The following GRIA4 variants were observed in gnomAD, a reference collection of about 807,000 sequenced individuals.
GRIA4 encodes glutamate ionotropic receptor AMPA type subunit 4.
GRIA4 carries 34 observed loss-of-function variants against 104.0 expected under a neutral mutation model. That is an observed-to-expected ratio of 0.33 (90% CI 0.25 to 0.44). The LOEUF (loss-of-function observed/expected upper bound fraction) is 0.44. Ranked by LOEUF, GRIA4 falls within the 20% of genes least tolerant of loss-of-function variation. The pLI, the probability that GRIA4 is intolerant of heterozygous loss-of-function variation, is 1.00. For missense variants in GRIA4, 750 were observed against 1,096.5 expected (o/e 0.68, Z 4.46); for synonymous variants, 386 against 381.9 (o/e 1.01, Z -0.13).
At chr11:105,870,349 A>G (rs1945567406) in intron 5 of GRIA4, among the ~76,000 whole-genome samples, 1 of 151,846 alleles carries the variant, frequency 6.6e-6, no homozygotes, top group African/African-American at 2.4e-5. Flanking sequence ...ACCACATTCT[A>G]TTATTTTCCT....
At chr11:105,649,210 C>A (rs1951618345) in intron 3 of GRIA4, among the ~76,000 whole-genome samples, 1 of 151,854 alleles carries the variant, frequency 6.6e-6, no homozygotes, top group Non-Finnish European at 1.5e-5. Context: ...AATAGAAATG[C>A]ATTAGTAGTA....
At chr11:105,767,235 T>G (rs981328160) in intron 4 of GRIA4, among the ~76,000 whole-genome samples, 1 of 152,088 alleles carries the variant, frequency 6.6e-6, no homozygotes, top group African/African-American at 2.4e-5. Flanking sequence ...CAGGAGCTTC[T>G]GAGGCCCGCT....
chr11:105,931,620 G>A (rs1489995303), intron 13 of GRIA4, among the ~76,000 whole-genome samples: 1 of 151,986 alleles, frequency 6.6e-6, no homozygotes, highest in East Asian at 1.9e-4. Context: ...CAGGAGAATT[G>A]CTTGAACCTG....
rs538876785 is a variant in GRIA4, at chr11:105,859,647, G to A, written c.488-2377G>A. 6.6e-5 allele frequency among the ~76,000 whole-genome samples: 10 copies of A among 152,134 alleles called. No homozygotes were observed. In the East Asian group the frequency reaches 9.7e-4, roughly 15 times the overall value. On this transcript the variant is annotated intron_variant, in intron 4 of 16. Transcript: ENST00000282499. ...GAAATGCAGCAATATTTAGAGTATC[G>A]TGCCAAGCTGTGAATTAAGCCCAGG... is the stretch of plus-strand genomic sequence containing the variant.
intron 6 of GRIA4, among the ~76,000 whole-genome samples, chr11:105,896,129 G>A (rs1946642190): frequency 6.6e-6 from 1 of 152,072 alleles, no homozygotes; most frequent in Non-Finnish European, 1.5e-5. Context: ...CATTCTGACT[G>A]GTGTGAGATG....
chr11:105,958,269 A>G (rs1948641985), intron 14 of GRIA4, among the ~76,000 whole-genome samples: 1 of 152,138 alleles, frequency 6.6e-6, no homozygotes, highest in African/African-American at 2.4e-5. Flanking sequence ...AGCTCTTATT[A>G]TTTTGAGATA....
chr11:105,632,960 G>A (rs1951075923), intron 3 of GRIA4, among the ~76,000 whole-genome samples: 1 of 152,124 alleles, frequency 6.6e-6, no homozygotes, highest in South Asian at 2.1e-4. Context: ...TGAGAGAAAA[G>A]GGGTCTTGAG....
At chr11:105,622,856 A>C (rs141513074) in intron 3 of GRIA4, among the ~76,000 whole-genome samples, 3 of 151,714 alleles carry the variant, frequency 2.0e-5, no homozygotes, top group African/African-American at 7.2e-5. Flanking sequence ...CATTATTCAG[A>C]GTCTACAATG....
intron 4 of GRIA4, among the ~76,000 whole-genome samples, chr11:105,839,784 T>TA (rs1944328062): frequency 6.6e-6 from 1 of 152,112 alleles, no homozygotes; most frequent in African/African-American, 2.4e-5. Context: ...TAGTGGCTGA[T>TA]ACTTAATTCT....
chr11:105,626,582 A>G (rs1198594235), intron 3 of GRIA4, among the ~76,000 whole-genome samples: 1 of 152,164 alleles, frequency 6.6e-6, no homozygotes, highest in Non-Finnish European at 1.5e-5. Flanking sequence ...ATTTGACCCC[A>G]TGAATGTAGG....
chr11:105,933,457 G>A (rs550129847), intron 13 of GRIA4, among the ~76,000 whole-genome samples: 2 of 152,136 alleles, frequency 1.3e-5, no homozygotes, highest in East Asian at 1.9e-4. Context: ...AAGCAGGTGA[G>A]TGTGGTAACT....
chr11:105,775,968 C>T (rs1208929083), intron 4 of GRIA4, among the ~76,000 whole-genome samples: 4 of 151,670 alleles, frequency 2.6e-5, no homozygotes, highest in African/African-American at 4.8e-5. Flanking sequence ...TGCATAAAGA[C>T]ATACTAAAAA....
chr11:105,930,892 C>G (rs1947854314), intron 13 of GRIA4, among the ~76,000 whole-genome samples: 1 of 152,032 alleles, frequency 6.6e-6, no homozygotes, highest in South Asian at 2.1e-4. Flanking sequence ...ATGTGGAGCT[C>G]TATACCTTTT....
chr11:105,680,406 C>A (rs975204884), intron 3 of GRIA4, among the ~76,000 whole-genome samples: 1 of 152,058 alleles, frequency 6.6e-6, no homozygotes, highest in Non-Finnish European at 1.5e-5. Context: ...CCCAGACCTG[C>A]AAGGTTAATG....
intron 4 of GRIA4, among the ~76,000 whole-genome samples, chr11:105,785,919 G>A (rs1941941612): frequency 6.6e-6 from 1 of 152,000 alleles, no homozygotes; most frequent in Non-Finnish European, 1.5e-5. Flanking sequence ...GTCAAGGAGG[G>A]TGGATCACTG....
chr11:105,837,296 G>A (rs1944229549), intron 4 of GRIA4, among the ~76,000 whole-genome samples: 1 of 152,068 alleles, frequency 6.6e-6, no homozygotes, highest in Non-Finnish European at 1.5e-5. Context: ...TATCACAGTA[G>A]GATGGTTCAA....
At chr11:105,940,613 T>C (rs1214670381) in intron 14 of GRIA4, among the ~76,000 whole-genome samples, 1 of 152,166 alleles carries the variant, frequency 6.6e-6, no homozygotes, top group Non-Finnish European at 1.5e-5. Context: ...TTGTATATGA[T>C]GCTGCTTTAA....
At chr11:105,931,258 G>C (rs1947864352) in intron 13 of GRIA4, among the ~76,000 whole-genome samples, 3 of 132,684 alleles carry the variant, frequency 2.3e-5, no homozygotes, top group African/African-American at 6.3e-5. Context: ...TCCTGTCATT[G>C]CCTAAATACA....
At chr11:105,949,514 T>C (rs1321184010) in intron 14 of GRIA4, among the ~76,000 whole-genome samples, 3 of 152,094 alleles carry the variant, frequency 2.0e-5, no homozygotes, top group East Asian at 1.9e-4. Flanking sequence ...AAGATTTACA[T>C]AGATCGTGTT....
Sources: allele counts gnomAD v4.1 joint callset (sites outside exome capture counted in the v4.1 genomes callset), GRCh38; gene constraint gnomAD v4.1.1; transcripts MANE v1.5; gene names NCBI Gene and HGNC (gene_info 2026-07-23, HGNC 2026-07-21).